Variants in TEX9 observed in about 807,000 individuals in gnomAD.
The protein encoded by TEX9 is testis-expressed protein 9.
TEX9 carries 74 observed loss-of-function variants against 59.6 expected under a neutral mutation model. The ratio of observed to expected loss-of-function variants is 1.24; its 90% CI spans 1.03 to 1.51. The LOEUF is 1.51. Among genes scored for constraint, TEX9 ranks in the 40% most tolerant of loss-of-function variants. The pLI is 0.00. For synonymous variants in TEX9, 186 were observed against 152.2 expected (o/e 1.22, Z -1.64); for missense variants, 522 against 447.8 (o/e 1.17, Z -1.49).
intron 1 of TEX9, among the ~76,000 whole-genome samples, chr15:56,317,984 G>A (rs1292129605): frequency 6.6e-6 from 1 of 152,146 alleles, no homozygotes; most frequent in East Asian, 1.9e-4. Flanking sequence ...GTTCATAGAT[G>A]TCTATTAGGT....
At chr15:56,458,391 T>A in the TEX9 span, among the ~76,000 whole-genome samples, 22 of 152,212 alleles carry the variant, frequency 1.4e-4, no homozygotes, top group Non-Finnish European at 2.9e-5. Flanking sequence ...CTTCCCCTTC[T>A]ATCAGCCTCC....
At chr15:56,344,121 G>T (rs186429150) in intron 1 of TEX9, among the ~76,000 whole-genome samples, 2 of 152,182 alleles carry the variant, frequency 1.3e-5, no homozygotes, top group Admixed American at 1.3e-4. Flanking sequence ...TTCTTGAAAT[G>T]GTTAAGCATG....
chr15:56,418,078 G>A (rs1445303346), intron 10 of TEX9, among the ~76,000 whole-genome samples: 5 of 151,848 alleles, frequency 3.3e-5, no homozygotes, highest in Non-Finnish European at 7.3e-5. Context: ...GTCATTAAAT[G>A]TCAGATGGGT....
chr15:56,294,991 G>A (rs185051458), intron 1 of TEX9, among the ~76,000 whole-genome samples: 4 of 152,200 alleles, frequency 2.6e-5, no homozygotes, highest in African/African-American at 9.6e-5. Flanking sequence ...AGTGAAGGCT[G>A]TATGTTTTTT....
chr15:56,384,031 GGTAA>G lies in TEX9; in HGVS notation c.263+4_263+7del, dbSNP rs757607831. ...GATGACGAAGATGATTACAGTTTAAGGTAAGTATCTTAAATTCTCAAGCACCTTC... is the reference window on the plus strand; with the variant it reads ...GATGACGAAGATGATTACAGTTTAAGGTATCTTAAATTCTCAAGCACCTTC... On this transcript the variant is annotated splice_donor_variant and splice_donor_region_variant and intron_variant, in intron 4 of 12. Coordinates refer to ENST00000352903, the Ensembl canonical transcript of TEX9. LOFTEE classifies it high-confidence loss of function. 4 of 1,609,558 alleles carry G rather than the reference GGTAA, an allele frequency of 2.5e-6. No homozygotes were observed. In the African/African-American group the frequency reaches 5.4e-5, roughly 22 times the overall value.
intron 1 of TEX9, among the ~76,000 whole-genome samples, chr15:56,343,277 A>G (rs1272074420): frequency 1.3e-5 from 2 of 152,146 alleles, no homozygotes; most frequent in Non-Finnish European, 2.9e-5. Flanking sequence ...CCTTAAATAT[A>G]TCTAGATATC....
chr15:56,412,031 AAG>A (rs1257758238), intron 9 of TEX9, among the ~76,000 whole-genome samples: 7 of 152,132 alleles, frequency 4.6e-5, no homozygotes, highest in African/African-American at 1.7e-4. Flanking sequence ...TGAGTCAATA[AAG>A]AGAGAGAAAA....
chr15:56,415,770 G>A (rs2049650017), intron 10 of TEX9, among the ~76,000 whole-genome samples: 1 of 151,806 alleles, frequency 6.6e-6, no homozygotes, highest in African/African-American at 2.4e-5. Flanking sequence ...TTCTAATTCT[G>A]TGAAGAATGT....
chr15:56,351,740 A>G (rs1239561549), intron 1 of TEX9, among the ~76,000 whole-genome samples: 3 of 152,200 alleles, frequency 2.0e-5, no homozygotes, highest in Non-Finnish European at 2.9e-5. Flanking sequence ...TCAAAAAATC[A>G]TTTTCAATAT....
intron 1 of TEX9, among the ~76,000 whole-genome samples, chr15:56,296,538 CTA>C (rs2045223116): frequency 2.0e-5 from 3 of 152,292 alleles, no homozygotes; most frequent in Admixed American, 1.3e-4. Flanking sequence ...TGTCTGTACT[CTA>C]TCTCTTTCGG....
intron 3 of TEX9, among the ~76,000 whole-genome samples, chr15:56,380,396 G>C (rs958369634): frequency 6.6e-6 from 1 of 152,032 alleles, no homozygotes; most frequent in Admixed American, 6.6e-5. Flanking sequence ...AGTTGTTGTA[G>C]TTATTATTTT....
intron 12 of TEX9, among the ~76,000 whole-genome samples, chr15:56,441,974 C>T (rs761897011): frequency 6.6e-6 from 1 of 152,016 alleles, no homozygotes; most frequent in East Asian, 1.9e-4. Context: ...GAGCCGAGAT[C>T]ACGCCACTGC....
chr15:56,448,566 T>G (rs1374637583), downstream of TEX9, among the ~76,000 whole-genome samples: 1 of 152,174 alleles, frequency 6.6e-6, no homozygotes, highest in Non-Finnish European at 1.5e-5. Context: ...GGACATAATT[T>G]CATTGTTTTT....
intron 9 of TEX9, among the ~76,000 whole-genome samples, chr15:56,410,488 G>A (rs568955380): frequency 1.8e-4 from 28 of 151,392 alleles, no homozygotes; most frequent in African/African-American, 6.5e-4. Flanking sequence ...AAAAACTAAT[G>A]TGCAACTCAG....
At chr15:56,259,696 T>C (rs2044220807) in intron 1 of TEX9, among the ~76,000 whole-genome samples, 1 of 152,072 alleles carries the variant, frequency 6.6e-6, no homozygotes, top group Non-Finnish European at 1.5e-5. Context: ...TTTATTCTTC[T>C]TCATTTCTTG....
At chr15:56,398,101 T>C (rs2048565609) in intron 9 of TEX9, 1 of 152,188 alleles carries the variant, frequency 6.6e-6, no homozygotes, top group Non-Finnish European at 1.5e-5. Flanking sequence ...AATTATAGTA[T>C]TTAATAGTCT....
chr15:56,351,296 C>A (rs1431736757), intron 1 of TEX9, among the ~76,000 whole-genome samples: 1 of 152,072 alleles, frequency 6.6e-6, no homozygotes, highest in East Asian at 1.9e-4. Flanking sequence ...ATAAACCTGT[C>A]TCAATGAGAT....
intron 1 of TEX9, among the ~76,000 whole-genome samples, chr15:56,322,703 GAGAAGGC>G (rs1346594451): frequency 6.6e-6 from 1 of 152,182 alleles, no homozygotes; most frequent in Non-Finnish European, 1.5e-5. Context: ...TGTATGAATG[GAGAAGGC>G]AGATGGTTTT....
At chr15:56,304,191 C>T (rs1189168299) in intron 1 of TEX9, among the ~76,000 whole-genome samples, 1 of 152,166 alleles carries the variant, frequency 6.6e-6, no homozygotes, top group Non-Finnish European at 1.5e-5. Context: ...ATTATGAAAA[C>T]AAGGATATTT....
Sources: gnomAD v4.1 joint callset for allele counts (sites outside exome capture counted in the v4.1 genomes callset) on GRCh38, gnomAD v4.1.1 for gene constraint, MANE v1.5 for transcripts, NCBI Gene and HGNC (gene_info 2026-07-23, HGNC 2026-07-21) for gene names.